The following TMCO4 variants were observed in gnomAD, a reference collection of about 807,000 sequenced individuals.
TMCO4 encodes transmembrane and coiled-coil domain-containing protein 4.
In TMCO4, 58 loss-of-function variants were observed where a neutral mutation model predicts 64.7. That is an observed-to-expected ratio of 0.90 (90% CI 0.73 to 1.12). The LOEUF is 1.12. TMCO4 is among the 50% of genes most tolerant of loss of function. TMCO4 has a pLI of 0.00. For missense variants in TMCO4, 780 were observed against 825.9 expected, an observed-to-expected ratio of 0.94 and a Z score of 0.68; for synonymous variants, 325 against 346.1, an observed-to-expected ratio of 0.94 and a Z score of 0.68.
intron 13 of TMCO4, among the ~76,000 whole-genome samples, chr1:19,708,987 C>T (rs1193638249): frequency 6.6e-6 from 1 of 152,090 alleles, no homozygotes; most frequent in Non-Finnish European, 1.5e-5. Context: ...ATGAACTGCA[C>T]TAACACAAAT....
chr1:19,748,301 C>T (rs571531826), intron 7 of TMCO4, among the ~76,000 whole-genome samples: 2 of 152,296 alleles, frequency 1.3e-5, no homozygotes, highest in Admixed American at 6.5e-5. Context: ...TGTCAAAAGG[C>T]GGACACTAAT....
At chr1:19,695,113 G>A (rs1261446234) in intron 14 of TMCO4, among the ~76,000 whole-genome samples, 2 of 152,210 alleles carry the variant, frequency 1.3e-5, no homozygotes, top group East Asian at 3.9e-4. Flanking sequence ...CCTGCCCTCA[G>A]GCAGCAGAGG....
chr1:19,780,165 C>T (rs1371145737), intron 4 of TMCO4, among the ~76,000 whole-genome samples: 4 of 152,174 alleles, frequency 2.6e-5, no homozygotes, highest in East Asian at 1.9e-4. Context: ...GCGCAGTTCA[C>T]GATAGGGTTT....
intron 13 of TMCO4, chr1:19,701,159 C>T (rs1442583178): frequency 1.2e-5 from 3 of 249,478 alleles, no homozygotes; most frequent in African/African-American, 6.7e-5. Flanking sequence ...ACCATTTTAT[C>T]TATTTTATTT....
intron 10 of TMCO4, 138 bp from the exon 11 acceptor site, chr1:19,741,079 A>G: frequency 1.1e-6 from 1 of 892,616 alleles, no homozygotes; most frequent in South Asian, 1.9e-5. Context: ...AATGAGTGGC[A>G]GCTGTCAGCA....
At chr1:19,754,745 T>C (rs1256277402) in intron 7 of TMCO4, among the ~76,000 whole-genome samples, 1 of 152,104 alleles carries the variant, frequency 6.6e-6, no homozygotes, top group Non-Finnish European at 1.5e-5. Context: ...TTCTTGACCA[T>C]ATATAGACAG....
At chr1:19,790,877 T>C (rs1335151636) in intron 2 of TMCO4, among the ~76,000 whole-genome samples, 1 of 152,210 alleles carries the variant, frequency 6.6e-6, no homozygotes, top group Non-Finnish European at 1.5e-5. Flanking sequence ...ACTGCAGCAC[T>C]ATTCACAATA....
chr1:19,719,290 CAGA>C (rs2095370853), intron 13 of TMCO4, among the ~76,000 whole-genome samples: 1 of 152,266 alleles, frequency 6.6e-6, no homozygotes, highest in South Asian at 2.1e-4. Flanking sequence ...AACTCTCAGA[CAGA>C]AGAAGTCAGG....
intron 15 of TMCO4, among the ~76,000 whole-genome samples, chr1:19,688,717 C>T (rs548404643): frequency 6.6e-6 from 1 of 152,348 alleles, no homozygotes; most frequent in Admixed American, 6.5e-5. Context: ...TCAGTTTTCA[C>T]ACCTGTACAA....
rs1438129413 is a variant in TMCO4 at position 19,732,099 on chromosome 1, C to CAGAG, written c.1264+5269_1264+5272dup. ...ATGGGAGGAGCTGCCTTCTGTCCCA[C>CAGAG]AGAGAGAGCTGGCTACATGTCTGTG... On this transcript the variant is annotated intron_variant, in intron 13 of 15. Transcript: ENST00000294543. The surrounding 1 kb of genome is among the most constrained non-coding windows in gnomAD (Gnocchi z 4.8). Among the ~76,000 whole-genome samples, 2 of 152,212 alleles carry CAGAG rather than the reference C, an allele frequency of 1.3e-5. No individual in the cohort carries two copies. Among genetic ancestry groups the CAGAG allele is most frequent in the African/African-American group, 4.8e-5 (2 of 41,454 alleles).
At position 19,734,977 on chromosome 1, in the gene TMCO4, T is replaced by C. The variant is rs575873149; in HGVS notation, c.1264+2395A>G. Among the ~76,000 whole-genome samples the C allele has an allele frequency of 4.5e-4, 68 of 152,286 alleles. No individual in the cohort carries two copies. The highest frequency in any genetic ancestry group is 3.4e-3 in the Middle Eastern group (1 of 294). On this transcript the variant is annotated intron_variant, in intron 13 of 15. Coordinates refer to ENST00000294543, the MANE Select transcript of TMCO4 (RefSeq NM_181719.7). This position sits in a 1 kb window ranked among gnomAD's most constrained non-coding sequence, Gnocchi z 4.4. Reference sequence around the variant, plus strand: ...GCACTAGCTCGTGGGCACAGCAGCATGTGCCTGATTCCCTCACCCAAAGTC... The same window carrying C: ...GCACTAGCTCGTGGGCACAGCAGCACGTGCCTGATTCCCTCACCCAAAGTC...
intron 11 of TMCO4, 24 bp downstream of exon 11, chr1:19,740,753 T>TG (rs778467387): frequency 5.6e-6 from 9 of 1,594,354 alleles, no homozygotes; most frequent in Non-Finnish European, 7.7e-6. Flanking sequence ...ATGCTGTTGT[T>TG]GGGGGGCAGG....
chr1:19,721,004 A>G (rs2095380128), intron 13 of TMCO4, among the ~76,000 whole-genome samples: 1 of 152,002 alleles, frequency 6.6e-6, no homozygotes, highest in Non-Finnish European at 1.5e-5. Flanking sequence ...ATGATTAATT[A>G]ACATGTAAGT....
intron 13 of TMCO4, among the ~76,000 whole-genome samples, chr1:19,708,127 C>T (rs1461533249): frequency 6.6e-6 from 1 of 152,072 alleles, no homozygotes; most frequent in Admixed American, 6.6e-5. Context: ...TTTGGGACAG[C>T]CTAGTTTTGT....
chr1:19,746,496 G>A lies in TMCO4; in HGVS notation c.717C>T (p.Ile239=). ...CAGCTGCACCAAACAGCGAGGTCAT[G>A]ATGGCTATGCCGGCTGCTGAGCCCA... The part of the protein sequence containing the change: ...AALGSAAGIA[I]MTSLFGAAGA... The change falls in exon 9 of 16, where the codon ATC becomes ATT. Residue 239 remains isoleucine, a synonymous_variant. Coordinates refer to ENST00000294543, the MANE Select transcript of TMCO4 (RefSeq NM_181719.7). 1 of 1,613,048 alleles carries A rather than the reference G, an allele frequency of 6.2e-7. No homozygotes were observed.
At chr1:19,753,350 T>C (rs1437818874) in intron 7 of TMCO4, among the ~76,000 whole-genome samples, 1 of 152,218 alleles carries the variant, frequency 6.6e-6, no homozygotes, top group African/African-American at 2.4e-5. Flanking sequence ...TTTTGATATG[T>C]GTTAAGTAAT....
chr1:19,765,158 G>A (rs1018940071), intron 6 of TMCO4, among the ~76,000 whole-genome samples: 8 of 152,060 alleles, frequency 5.3e-5, no homozygotes, highest in Non-Finnish European at 1.2e-4. Flanking sequence ...CAGAGTTCAC[G>A]GTGAGATTCA....
At chr1:19,747,086 C>T (rs2041826901) in intron 8 of TMCO4, 77 bp downstream of exon 8, 1 of 1,476,966 alleles carries the variant, frequency 6.8e-7, no homozygotes, top group East Asian at 2.3e-5. Context: ...CTGCACTCTC[C>T]ACTCTCACCC....
Position 19,682,892 on chromosome 1 carries a change from T to C in TMCO4, c.*148A>G. ...TCCTCCAAATTCCCCTTCCTTCCATTTCCTTTCCCTTTCAGTTCCAATTCC... is the reference window on the plus strand; with the variant it reads ...TCCTCCAAATTCCCCTTCCTTCCATCTCCTTTCCCTTTCAGTTCCAATTCC... On this transcript the variant is annotated 3_prime_UTR_variant, in exon 16 of 16. Coordinates refer to ENST00000294543, the MANE Select transcript of TMCO4 (RefSeq NM_181719.7). The C allele has an allele frequency of 8.6e-7, 1 of 1,169,336 alleles. No individual in the cohort carries two copies. The highest frequency in any genetic ancestry group is 1.2e-6 in the Non-Finnish European group (1 of 817,706). 72.4% of individuals were successfully genotyped at this position (1,169,336 alleles called of 1,614,324 possible). A position where few individuals can be genotyped will look rare whatever the true frequency, so the allele number is the denominator to read the frequency against.
Sources: allele counts gnomAD v4.1 joint callset (sites outside exome capture counted in the v4.1 genomes callset), GRCh38; gene constraint gnomAD v4.1.1; non-coding constraint Gnocchi (gnomAD v3.1); transcripts MANE v1.5; gene names NCBI Gene and HGNC (gene_info 2026-07-23, HGNC 2026-07-21).